CAMTA1: variants seen among roughly 807,000 people sequenced by gnomAD.
CAMTA1 encodes the protein calmodulin binding transcription activator 1.
In CAMTA1, 27 loss-of-function variants were observed where a neutral mutation model predicts 170.9. The observed-to-expected ratio is 0.16, with a 90% confidence interval of 0.12 to 0.22. CAMTA1 has a LOEUF of 0.22. Ranked by LOEUF, CAMTA1 falls within the 10% of genes least tolerant of loss-of-function variation. CAMTA1 has a pLI of 1.00. For synonymous variants in CAMTA1, 833 were observed against 891.5 expected, an observed-to-expected ratio of 0.93 and a Z score of 1.17; for missense variants, 1,619 against 2,217.2, an observed-to-expected ratio of 0.73 and a Z score of 5.42.
chr1:6,918,720 G>C lies in CAMTA1; in HGVS notation c.234+93510G>C, dbSNP rs547765431. ...GAGGGAGGGGAGGCTGGGCTCCTTG[G>C]GACTTCCTGGTGGATGACGCCTGGG... On this transcript the variant is annotated intron_variant, in intron 3 of 22. Transcript: ENST00000303635. The surrounding 1 kb of genome is among the most constrained non-coding windows in gnomAD (Gnocchi z 4.0). Among the ~76,000 whole-genome samples the C allele has an allele frequency of 3.9e-4, 60 of 152,336 alleles. No individual in the cohort carries two copies. The highest frequency in any genetic ancestry group is 1.4e-3 in the African/African-American group (57 of 41,574).
chr1:7,122,935 C>T (rs541328676), intron 4 of CAMTA1, among the ~76,000 whole-genome samples: 5 of 152,308 alleles, frequency 3.3e-5, no homozygotes, highest in Admixed American at 1.3e-4. Flanking sequence ...GAAGTCAAGG[C>T]GCTCTGTAAA....
intron 1 of CAMTA1, among the ~76,000 whole-genome samples, chr1:6,793,435 A>G (rs997601093): frequency 6.6e-6 from 1 of 152,198 alleles, no homozygotes; most frequent in Non-Finnish European, 1.5e-5. Context: ...TGACAGTAGT[A>G]AATTACCATG....
intron 3 of CAMTA1, among the ~76,000 whole-genome samples, chr1:6,883,973 A>G (rs1672374186): frequency 6.6e-6 from 1 of 152,176 alleles, no homozygotes; most frequent in African/African-American, 2.4e-5. Flanking sequence ...TGAAATTGGT[A>G]TATATCTTAT....
At chr1:6,914,357 C>G (rs998270878) in intron 3 of CAMTA1, among the ~76,000 whole-genome samples, 1 of 152,228 alleles carries the variant, frequency 6.6e-6, no homozygotes, top group African/African-American at 2.4e-5. Flanking sequence ...CTGCCTTGGC[C>G]TCCCAGAGTG....
chr1:7,220,762 G>A (rs1001554997), intron 4 of CAMTA1, among the ~76,000 whole-genome samples: 6 of 152,362 alleles, frequency 3.9e-5, no homozygotes, highest in Middle Eastern at 3.4e-3. Flanking sequence ...AATTGTGCTC[G>A]GGCACCCAGG....
At chr1:6,914,205 A>G (rs532307091) in intron 3 of CAMTA1, among the ~76,000 whole-genome samples, 1 of 150,964 alleles carries the variant, frequency 6.6e-6, no homozygotes, top group African/African-American at 2.4e-5. Flanking sequence ...CCCGGGTTCA[A>G]GTGATTCTCC....
rs533185497 is a variant in CAMTA1, at chr1:7,363,659, G to A, written c.439-104171G>A. Among the ~76,000 whole-genome samples, 1,017 of 152,274 alleles carry A rather than the reference G, an allele frequency of 6.7e-3. 2 individuals carry two copies. The highest frequency in any genetic ancestry group is 0.011 in the Non-Finnish European group (775 of 68,022). On this transcript the variant is annotated intron_variant, in intron 5 of 22. Coordinates refer to ENST00000303635, the MANE Select transcript of CAMTA1 (RefSeq NM_015215.4). ...CAGAAGGATTTAAGCCCCGTGATTA[G>A]CAGGTCTATTTTTGGCCACCAAGTG...
chr1:7,122,746 C>T (rs772605471), intron 4 of CAMTA1, among the ~76,000 whole-genome samples: 54 of 152,236 alleles, frequency 3.5e-4, no homozygotes, highest in Admixed American at 1.0e-3. Flanking sequence ...CCCCACCCTG[C>T]GCCTCCCATG....
At chr1:7,511,272 A>G (rs2094198345) in intron 6 of CAMTA1, among the ~76,000 whole-genome samples, 1 of 145,392 alleles carries the variant, frequency 6.9e-6, no homozygotes, top group Non-Finnish European at 1.5e-5. Flanking sequence ...TTGAGTTCAC[A>G]TCCTGGAGGG....
At position 7,671,048 on chromosome 1, in the gene CAMTA1, C is replaced by T. The variant is rs369920869; in HGVS notation, c.2779+11C>T. 1.4e-5 allele frequency: 22 copies of T among 1,612,484 alleles called. No individual in the cohort carries two copies. The African/African-American group carries it at 2.1e-4, about 16-fold the overall frequency. Reference sequence around the variant, plus strand: ...GCTGCTACTGCCCAGGTGAGAAAGCCGCCCCCCAGGCCCCCAAGGTGAGTG... The same window carrying T: ...GCTGCTACTGCCCAGGTGAGAAAGCTGCCCCCCAGGCCCCCAAGGTGAGTG... On this transcript the variant is annotated intron_variant, in intron 10 of 22. Transcript: ENST00000303635.
In CAMTA1 at chr1:7,681,424, C is replaced by T. The variant is rs548561968; in HGVS notation, c.2914+3691C>T. Reference sequence around the variant, plus strand: ...CAAGGGTGGCAGGAGAGGGAATGAGCGGCTGCCTTTAACCCAGGGTCTTCG... The same window carrying T: ...CAAGGGTGGCAGGAGAGGGAATGAGTGGCTGCCTTTAACCCAGGGTCTTCG... On this transcript the variant is annotated intron_variant, in intron 11 of 22. Coordinates refer to ENST00000303635, the MANE Select transcript of CAMTA1 (RefSeq NM_015215.4). This position sits in a 1 kb window ranked among gnomAD's most constrained non-coding sequence, Gnocchi z 4.6. 6.6e-6 allele frequency among the ~76,000 whole-genome samples: 1 copy of T among 152,322 alleles called. No individual in the cohort carries two copies. The highest frequency in any genetic ancestry group is 6.5e-5 in the Admixed American group (1 of 15,302).
chr1:7,601,167 C>T (rs1265426248), intron 6 of CAMTA1, among the ~76,000 whole-genome samples: 1 of 118,976 alleles, frequency 8.4e-6, no homozygotes, highest in Non-Finnish European at 1.9e-5. Context: ...GGGGCTGACC[C>T]CCACCTCCCT....
chr1:7,610,045 G>T (rs1434306586), intron 6 of CAMTA1, among the ~76,000 whole-genome samples: 1 of 152,180 alleles, frequency 6.6e-6, no homozygotes, highest in Non-Finnish European at 1.5e-5. Flanking sequence ...TGCAAAGGGG[G>T]AGCTGCTTCT....
rs181679276 is a variant in CAMTA1, at chr1:7,176,971, G to A, written c.303-72520G>A. ...TTAAAAATGTGCCCAGGAAGAGGAG[G>A]AGGAAACCACATTGCTGAGCATCTG... On this transcript the variant is annotated intron_variant, in intron 4 of 22. Coordinates refer to ENST00000303635, the MANE Select transcript of CAMTA1 (RefSeq NM_015215.4). 2.0e-5 allele frequency among the ~76,000 whole-genome samples: 3 copies of A among 152,126 alleles called. No individual in the cohort carries two copies. The East Asian group carries it at 5.8e-4, about 29-fold the overall frequency.
chr1:7,555,188 G>A (rs969810333), intron 6 of CAMTA1, among the ~76,000 whole-genome samples: 22 of 152,128 alleles, frequency 1.4e-4, no homozygotes, highest in Admixed American at 1.2e-3. Context: ...CTATTTATGG[G>A]ACACACAGAG....
intron 3 of CAMTA1, among the ~76,000 whole-genome samples, chr1:7,008,055 GAA>G (rs1400183773): frequency 6.6e-6 from 1 of 152,182 alleles, no homozygotes; most frequent in Non-Finnish European, 1.5e-5. Context: ...GTTTCTCTGG[GAA>G]ACAGGTTTCA....
intron 3 of CAMTA1, among the ~76,000 whole-genome samples, chr1:7,079,658 G>C (rs1217017637): frequency 4.0e-5 from 6 of 150,340 alleles, no homozygotes; most frequent in Non-Finnish European, 7.4e-5. Context: ...TTTTTAAGTA[G>C]AAATGGGTTT....
intron 11 of CAMTA1, among the ~76,000 whole-genome samples, chr1:7,717,523 A>T (rs1269586391): frequency 6.6e-6 from 1 of 152,110 alleles, no homozygotes; most frequent in African/African-American, 2.4e-5. Flanking sequence ...AGGCAAGAGG[A>T]TCACTTGAGC....
At chr1:7,354,150 CTTTT>C (rs565138164) in intron 5 of CAMTA1, among the ~76,000 whole-genome samples, 4 of 140,434 alleles carry the variant, frequency 2.8e-5, no homozygotes, top group Admixed American at 7.1e-5. Context: ...TTCTTTTTCT[CTTTT>C]TTTTTTTTTT....
Sources: allele counts gnomAD v4.1 joint callset (sites outside exome capture counted in the v4.1 genomes callset), GRCh38; gene constraint gnomAD v4.1.1; non-coding constraint Gnocchi (gnomAD v3.1); transcripts MANE v1.5; gene names NCBI Gene and HGNC (gene_info 2026-07-23, HGNC 2026-07-21).